Variants in MRTFA observed in about 807,000 individuals in gnomAD.
MRTFA encodes myocardin-related transcription factor A.
Under a neutral mutation model 83.5 loss-of-function variants are expected in MRTFA, and 20 were observed. The observed-to-expected ratio is 0.24, with a 90% CI of 0.17 to 0.35. The LOEUF is 0.35. MRTFA is among the 10% of genes least tolerant of loss of function. MRTFA has a pLI of 1.00. For missense variants in MRTFA, 1,200 were observed against 1,224.7 expected (o/e 0.98, Z 0.30); for synonymous variants, 659 against 541.2 (o/e 1.22, Z -3.02).
At position 40,416,977 on chromosome 22, in the gene MRTFA, T is replaced by C; in HGVS notation, c.2578+9A>G. 6.3e-7 allele frequency: 1 copy of C among 1,591,102 alleles called. No individual in the cohort carries two copies. Among genetic ancestry groups the C allele is most frequent in the Non-Finnish European group, 8.6e-7 (1 of 1,168,610 alleles). On this transcript the variant is annotated intron_variant, in intron 14 of 14. Transcript: ENST00000355630. This position sits in a 1 kb window ranked among gnomAD's most constrained non-coding sequence, Gnocchi z 4.2. The stretch of plus-strand genomic sequence containing the variant: ...GCCGTCAGGGAGGCAGCAGGGGACC[T>C]GGGGTTACCTCCGCTCTGAATGAGA...
intron 2 of MRTFA, among the ~76,000 whole-genome samples, chr22:40,552,909 T>C (rs940275850): frequency 2.6e-5 from 4 of 152,176 alleles, no homozygotes; most frequent in Admixed American, 6.5e-5. Context: ...GTGGTAAAGT[T>C]TGGAACTTCC....
intron 1 of MRTFA, among the ~76,000 whole-genome samples, chr22:40,629,303 G>A (rs1025041771): frequency 2.0e-5 from 3 of 151,462 alleles, no homozygotes; most frequent in East Asian, 1.9e-4. Flanking sequence ...AAAATTAGCC[G>A]GGCATGGTGG....
chr22:40,457,141 G>C (rs1384192880), intron 4 of MRTFA, among the ~76,000 whole-genome samples: 1 of 152,136 alleles, frequency 6.6e-6, no homozygotes, highest in Non-Finnish European at 1.5e-5. Flanking sequence ...GAGGTGGGCA[G>C]ATCACCTGAG....
intron 3 of MRTFA, among the ~76,000 whole-genome samples, chr22:40,469,272 C>T (rs190342484): frequency 1.4e-4 from 21 of 152,242 alleles, no homozygotes; most frequent in Admixed American, 6.5e-4. Flanking sequence ...TGGGTCATGG[C>T]GGCAGATGTC....
Position 40,418,895 on chromosome 22 carries a change from G to GC in MRTFA, c.1842dup (p.Arg615AlafsTer117). ...TTGTCGCGCCCCTCTAGCTCCGCCC[G>GC]CCCCCCAGGGCTCAGGCAACAGGAC... On this transcript the variant is annotated frameshift_variant, in exon 12 of 15. Transcript: ENST00000355630. LOFTEE classifies it high-confidence loss of function. 1.9e-6 allele frequency: 3 copies of GC among 1,612,420 alleles called. No homozygotes were observed. The highest frequency in any genetic ancestry group is 2.5e-6 in the Non-Finnish European group (3 of 1,179,788).
In MRTFA at chr22:40,630,192, T is replaced by G. The variant is rs140692866; in HGVS notation, c.-84+6286A>C. The stretch of plus-strand genomic sequence containing the variant: ...TTAGCTGGGCATGGTGGCACATACC[T>G]GTAATCCCAGCTACTTGGGAAGCTG... On this transcript the variant is annotated intron_variant, in intron 1 of 14. Coordinates refer to ENST00000355630, the MANE Select transcript of MRTFA (RefSeq NM_020831.6). Among the ~76,000 whole-genome samples the G allele has an allele frequency of 1.2e-3, 188 of 152,194 alleles. 3 individuals are homozygous for G. In the East Asian group the frequency reaches 0.032, roughly 26 times the overall value.
chr22:40,609,349 C>T (rs1433505666), intron 1 of MRTFA, among the ~76,000 whole-genome samples: 2 of 151,170 alleles, frequency 1.3e-5, no homozygotes, highest in Non-Finnish European at 2.9e-5. Context: ...GATATTGTGG[C>T]TTGAATTTGT....
intron 4 of MRTFA, among the ~76,000 whole-genome samples, 161 bp from the exon 5 acceptor site, chr22:40,435,715 G>A (rs1354652246): frequency 6.6e-6 from 1 of 152,096 alleles, no homozygotes; most frequent in African/African-American, 2.4e-5. Flanking sequence ...GGCAGATCAC[G>A]AGGTCAGGAG....
chr22:40,517,445 T>C (rs1188058793), intron 3 of MRTFA, among the ~76,000 whole-genome samples: 2 of 152,038 alleles, frequency 1.3e-5, no homozygotes, highest in African/African-American at 4.8e-5. Context: ...GAAGTTCACA[T>C]GAAAGGCAAT....
At chr22:40,559,555 T>C (rs2055583231) in intron 2 of MRTFA, among the ~76,000 whole-genome samples, 1 of 152,042 alleles carries the variant, frequency 6.6e-6, no homozygotes, top group Admixed American at 6.5e-5. Context: ...TATAGGTGTG[T>C]GCCAACACAC....
intron 3 of MRTFA, among the ~76,000 whole-genome samples, chr22:40,541,641 C>A (rs909211499): frequency 6.6e-6 from 1 of 152,060 alleles, no homozygotes; most frequent in Non-Finnish European, 1.5e-5. Flanking sequence ...CCCAGGATAG[C>A]TGATGGCTGT....
chr22:40,450,205 C>T (rs2053460892), intron 4 of MRTFA, among the ~76,000 whole-genome samples: 1 of 152,138 alleles, frequency 6.6e-6, no homozygotes, highest in Non-Finnish European at 1.5e-5. Context: ...TAGGTGCTTG[C>T]TTAGACAACT....
In MRTFA at chr22:40,411,639, G is replaced by A. The variant is rs1384668862; in HGVS notation, c.2847C>T (p.Ser949=). 19 of 1,613,350 alleles carry A rather than the reference G, an allele frequency of 1.2e-5. No homozygotes were observed. The highest frequency in any genetic ancestry group is 1.6e-5 in the Non-Finnish European group (19 of 1,179,922). Residue 949 remains serine (S), a synonymous_variant, in exon 15 of 15, where the codon AGC becomes AGT. Transcript: ENST00000355630. ...GGGGGTGGTCCAGGATGGCAGTGCT[G>A]CTCAGCATCTGGCTATGGAGGTCGT...
At chr22:40,575,739 AC>A (rs1186748319) in intron 2 of MRTFA, among the ~76,000 whole-genome samples, 2 of 152,224 alleles carry the variant, frequency 1.3e-5, no homozygotes, top group Admixed American at 1.3e-4. Context: ...AGGGTATATG[AC>A]CATAGGTTAT....
rs1383958999 is a variant in MRTFA at position 40,424,194 on chromosome 22, G to A, written c.777+12C>T. 1.3e-6 allele frequency: 2 copies of A among 1,584,208 alleles called. No homozygotes were observed. Among genetic ancestry groups the A allele is most frequent in the Admixed American group, 1.9e-5 (1 of 52,668 alleles). ...CTTGGAGCTGGGGAAGCATCTGGAA[G>A]CACACACTCACCTGGGTGGGGGATG... On this transcript the variant is annotated intron_variant, in intron 8 of 14. Coordinates refer to ENST00000355630, the MANE Select transcript of MRTFA (RefSeq NM_020831.6).
In MRTFA at chr22:40,411,662, C is replaced by T. The variant is rs148866820; in HGVS notation, c.2824G>A (p.Asp942Asn). The change falls in exon 15 of 15, where the codon GAC becomes AAC. Residue 942 changes from aspartate to asparagine, a missense_variant. Around this residue, in one of 2 missense-constraint regions of MRTFA, gnomAD observed 1,107 missense variants for 1,041.8 expected, o/e 1.06. Coordinates refer to ENST00000355630, the MANE Select transcript of MRTFA (RefSeq NM_020831.6). ...CTGCTCAGCATCTGGCTATGGAGGT[C>T]GTCAATGAGGGAAAGGGGCTCTGGC... 9.3e-6 allele frequency: 15 copies of T among 1,610,640 alleles called. No individual in the cohort carries two copies. Among genetic ancestry groups the T allele is most frequent in the African/African-American group, 1.3e-5 (1 of 74,888 alleles).
At chr22:40,471,277 C>T (rs960093075) in intron 3 of MRTFA, among the ~76,000 whole-genome samples, 15 of 149,706 alleles carry the variant, frequency 1.0e-4, no homozygotes, top group African/African-American at 3.7e-4. Flanking sequence ...GTGGCACGCG[C>T]CTGTAATCCC....
chr22:40,424,867 G>C (rs2052920707), intron 7 of MRTFA, among the ~76,000 whole-genome samples: 1 of 152,212 alleles, frequency 6.6e-6, no homozygotes, highest in African/African-American at 2.4e-5. Flanking sequence ...CGAGGGACCA[G>C]AAGAGCCTGG....
intron 3 of MRTFA, among the ~76,000 whole-genome samples, chr22:40,470,660 A>T (rs1261561545): frequency 6.6e-6 from 1 of 152,160 alleles, no homozygotes; most frequent in Non-Finnish European, 1.5e-5. Context: ...CAGAAAACAG[A>T]AAAACAGGCC....
Sources: gnomAD v4.1 joint callset for allele counts (sites outside exome capture counted in the v4.1 genomes callset) on GRCh38, gnomAD v4.1.1 for gene constraint, gnomAD v4.1.1 regional missense constraint, Gnocchi (gnomAD v3.1) non-coding constraint, MANE v1.5 for transcripts, NCBI Gene and HGNC (gene_info 2026-07-23, HGNC 2026-07-21) for gene names.